Variants in TMEM116 observed in about 807,000 individuals in gnomAD.
TMEM116 encodes transmembrane protein 116.
A neutral mutation model predicts 44.3 loss-of-function variants in TMEM116; 38 were observed. The ratio of observed to expected loss-of-function variants is 0.86; its 90% confidence interval spans 0.66 to 1.12. TMEM116 has a LOEUF of 1.12. Among genes scored for constraint, TMEM116 ranks in the 50% most tolerant of loss-of-function variants. TMEM116 has a pLI of 0.00. For synonymous variants in TMEM116, 132 were observed against 144.8 expected (o/e 0.91, Z 0.64); for missense variants, 354 against 401.7 (o/e 0.88, Z 1.01).
chr12:112,008,088 CAGG>C (rs950233688), intron 1 of TMEM116, among the ~76,000 whole-genome samples: 4 of 152,188 alleles, frequency 2.6e-5, no homozygotes, highest in Admixed American at 6.5e-5. Flanking sequence ...CAGGCTGCGG[CAGG>C]AGGATCTCTT....
At position 112,003,816 on chromosome 12, in the gene TMEM116, A is replaced by G. The variant is rs1360074494; in HGVS notation, c.62T>C (p.Ile21Thr). ...SLIAYAVFHN[I>T]QKSPEIRPLF... ...ATCACTCACCTCTGGAGATTTCTGTATATTATGGAATACAGCATAGGCAAT... is the reference window on the plus strand; with the variant it reads ...ATCACTCACCTCTGGAGATTTCTGTGTATTATGGAATACAGCATAGGCAAT... Residue 21 changes from isoleucine (I) to threonine (T), a missense_variant, in exon 3 of 11, where the codon ATA becomes ACA. By Grantham distance (89) the Ile-to-Thr change is moderately conservative (BLOSUM62 -1). Transcript: ENST00000552374. 4 of 1,513,440 alleles carry G rather than the reference A, an allele frequency of 2.6e-6. No homozygotes were observed. The highest frequency in any genetic ancestry group is 2.2e-5 in the Admixed American group (1 of 44,604). The allele number at this position is 1,513,440 out of a possible 1,614,324, so 93.8% of individuals were successfully genotyped here.
chr12:111,993,983 T>C, intron 3 of TMEM116: 1 of 589,844 alleles, frequency 1.7e-6, no homozygotes, highest in South Asian at 1.4e-5. Flanking sequence ...TATGATTCTG[T>C]GAAGGTCTAC....
chr12:111,951,122 A>C (rs774189487), intron 4 of TMEM116, among the ~76,000 whole-genome samples: 5 of 152,370 alleles, frequency 3.3e-5, no homozygotes, highest in Admixed American at 3.3e-4. Context: ...TCAAAATCAC[A>C]ATGAGATACT....
Position 111,933,789 on chromosome 12 carries a change from C to A in TMEM116, c.733+97G>T, listed in dbSNP as rs1353652504. 33 of 1,492,468 alleles carry A rather than the reference C, an allele frequency of 2.2e-5. No homozygotes were observed. In the South Asian group the frequency reaches 4.2e-4, roughly 19 times the overall value. The allele number at this position is 1,492,468 out of a possible 1,614,324, so 92.5% of individuals were successfully genotyped here. ...GGGATTACAGGTGTGAGCCACTGTG[C>A]CCGACCTCAGCCATCCTTCTTAGTG... On this transcript the variant is annotated intron_variant, in intron 9 of 10. Coordinates refer to ENST00000552374, the MANE Select transcript of TMEM116 (RefSeq NM_001193531.2).
upstream of TMEM116, chr12:112,013,218 C>T (rs1263388059): frequency 2.3e-6 from 1 of 434,114 alleles, no homozygotes; most frequent in African/African-American, 2.1e-5. Context: ...AGCCCATTTT[C>T]CCGCCCGCAA....
intron 1 of TMEM116, among the ~76,000 whole-genome samples, chr12:112,008,883 G>A (rs1047739072): frequency 1.3e-5 from 2 of 151,360 alleles, no homozygotes; most frequent in African/African-American, 2.4e-5. Flanking sequence ...GCTGAGGCAG[G>A]AGAATTGCTT....
chr12:111,991,590 A>C (rs1229500642), intron 4 of TMEM116, among the ~76,000 whole-genome samples, 168 bp downstream of exon 4: 1 of 152,146 alleles, frequency 6.6e-6, no homozygotes, highest in African/African-American at 2.4e-5. Context: ...AATTTTCAAA[A>C]TATTCTATAA....
intron 7 of TMEM116, 134 bp from the exon 8 acceptor site, chr12:111,936,964 A>C: frequency 9.5e-7 from 1 of 1,056,942 alleles, no homozygotes; most frequent in Non-Finnish European, 1.4e-6. Flanking sequence ...TCTCCCCCAC[A>C]GACACATTAT....
At chr12:112,007,671 T>C (rs1351132918) in intron 1 of TMEM116, among the ~76,000 whole-genome samples, 1 of 152,218 alleles carries the variant, frequency 6.6e-6, no homozygotes. Context: ...ACTGACAGTT[T>C]CACCAAGTAA....
At chr12:111,978,332 C>T (rs752668151) in intron 4 of TMEM116, among the ~76,000 whole-genome samples, 2 of 151,128 alleles carry the variant, frequency 1.3e-5, no homozygotes, top group Non-Finnish European at 2.9e-5. Flanking sequence ...ACCTGGGAGG[C>T]GGAGGTTGCA....
At position 111,958,083 on chromosome 12, in the gene TMEM116, G is replaced by A. The variant is rs369121218; in HGVS notation, c.211-14714C>T. On this transcript the variant is annotated intron_variant, in intron 4 of 10. Transcript: ENST00000552374. ...ACAGATGCTTGAAGGCAGCATGCTC[G>A]TTAAGAGTCATCACCACTCCCTAAT... Among the ~76,000 whole-genome samples, 5 of 151,754 alleles carry A rather than the reference G, an allele frequency of 3.3e-5. No homozygotes were observed. In the South Asian group the frequency reaches 6.3e-4, roughly 19 times the overall value.
chr12:111,946,608 C>T (rs905280851), intron 4 of TMEM116, among the ~76,000 whole-genome samples: 1 of 152,164 alleles, frequency 6.6e-6, no homozygotes, highest in African/African-American at 2.4e-5. Context: ...CAACCTTCAG[C>T]GTGGGCGTCA....
intron 1 of TMEM116, 156 bp from the exon 2 acceptor site, chr12:112,005,459 G>A (rs1443554867): frequency 1.9e-6 from 1 of 540,048 alleles, no homozygotes; most frequent in Non-Finnish European, 2.8e-6. Context: ...GGCTGAACAG[G>A]CCCCTGGAAA....
chr12:111,979,172 A>G (rs2075821195), intron 4 of TMEM116, among the ~76,000 whole-genome samples: 1 of 152,210 alleles, frequency 6.6e-6, no homozygotes, highest in Non-Finnish European at 1.5e-5. Flanking sequence ...TATTCAAATG[A>G]ATACATGTAC....
chr12:111,987,435 G>A (rs759119172), intron 4 of TMEM116, among the ~76,000 whole-genome samples: 2 of 151,684 alleles, frequency 1.3e-5, no homozygotes, highest in African/African-American at 2.4e-5. Context: ...AACCCGGGAG[G>A]TGGAGGTTGC....
chr12:111,957,680 G>A (rs189636992), intron 4 of TMEM116, among the ~76,000 whole-genome samples: 154 of 149,310 alleles, frequency 1.0e-3, no homozygotes, highest in Admixed American at 2.6e-3. Flanking sequence ...CCTGGCCGCC[G>A]TCCCGTCTGG....
At chr12:111,942,431 T>C (rs1045463095) in intron 5 of TMEM116, among the ~76,000 whole-genome samples, 2 of 151,804 alleles carry the variant, frequency 1.3e-5, no homozygotes, top group Admixed American at 6.6e-5. Flanking sequence ...CGCCACCACG[T>C]CTGGCTAATT....
In TMEM116 at chr12:111,974,531, G is replaced by A. The variant is rs149120892; in HGVS notation, c.210+17227C>T. 2.1e-3 allele frequency among the ~76,000 whole-genome samples: 316 copies of A among 151,880 alleles called. 1 individual carries two copies. The highest frequency in any genetic ancestry group is 0.01 in the Middle Eastern group (3 of 292). On this transcript the variant is annotated intron_variant, in intron 4 of 10. Coordinates refer to ENST00000552374, the MANE Select transcript of TMEM116 (RefSeq NM_001193531.2). The stretch of plus-strand genomic sequence containing the variant: ...AAATTAGCTGGGCGTGGTGGTGCAC[G>A]CCTATAATCCCACCTACTAGGGAGG...
intron 4 of TMEM116, among the ~76,000 whole-genome samples, chr12:111,986,094 G>A (rs530180973): frequency 3.9e-5 from 6 of 152,062 alleles, no homozygotes; most frequent in African/African-American, 1.4e-4. Context: ...GATGGCTCAC[G>A]CCTGTATTCC....
Sources: gnomAD v4.1 joint callset for allele counts (sites outside exome capture counted in the v4.1 genomes callset) on GRCh38, gnomAD v4.1.1 for gene constraint, MANE v1.5 for transcripts, NCBI Gene and HGNC (gene_info 2026-07-23, HGNC 2026-07-21) for gene names.